The following TRAT1 variants were observed in gnomAD, a reference collection of about 807,000 sequenced individuals.
TRAT1 encodes T-cell receptor-associated transmembrane adapter 1.
TRAT1 carries 20 observed loss-of-function variants against 20.0 expected under a neutral mutation model. That is an observed-to-expected ratio of 1.00 (90% confidence interval 0.70 to 1.45). The LOEUF (loss-of-function observed/expected upper bound fraction) is 1.45, where lower values mean the gene tolerates loss of function less well. Ranked by LOEUF, TRAT1 falls within the 40% of genes most tolerant of loss-of-function variation. The probability of loss-of-function intolerance (pLI) is 0.00; values close to 1 mark genes in which losing one functional copy is unlikely to be tolerated. For missense variants in TRAT1, 237 were observed against 224.1 expected, an observed-to-expected ratio of 1.06 and a Z score of -0.37; for synonymous variants, 77 against 74.2, an observed-to-expected ratio of 1.04 and a Z score of -0.20.
rs760289457 is a variant in TRAT1, at chr3:108,822,915, G to GA, written c.-6dup. 6.2e-6 allele frequency: 10 copies of GA among 1,607,484 alleles called. No homozygotes were observed. The highest frequency in any genetic ancestry group is 1.1e-5 in the South Asian group (1 of 90,078). ...CTTATGGCTAGATAAAGATTTCTCT[G>GA]AAAAAAAGAAGCATGTCAGGTAAGT... is the stretch of plus-strand genomic sequence containing the variant. On this transcript the variant is annotated 5_prime_UTR_variant, in exon 1 of 6. Coordinates refer to ENST00000295756, the MANE Select transcript of TRAT1 (RefSeq NM_016388.4).
intron 3 of TRAT1, among the ~76,000 whole-genome samples, chr3:108,843,639 T>C (rs1435143742): frequency 3.9e-5 from 6 of 152,192 alleles, no homozygotes; most frequent in African/African-American, 1.4e-4. Context: ...ACTTGAAAGG[T>C]CCCTCTATAT....
rs553338267 is a variant in TRAT1, at chr3:108,845,710, T to A, written c.153-1358T>A. 4.3e-4 allele frequency among the ~76,000 whole-genome samples: 66 copies of A among 152,282 alleles called. 1 individual carries two copies. In the South Asian group the frequency reaches 0.013, roughly 29 times the overall value. On this transcript the variant is annotated intron_variant, in intron 3 of 5. Transcript: ENST00000295756. ...ATGCCTTGAGATAAGAGTCCTTTTT[T>A]TTTTTCTTTTGATGAAATTCCCTCC...
At position 108,853,686 on chromosome 3, in the gene TRAT1, C is replaced by A. The variant is rs57972201; in HGVS notation, c.370C>A (p.Pro124Thr). 7,482 of 1,614,018 alleles carry A rather than the reference C, an allele frequency of 4.6e-3. 249 individuals are homozygous for A. In the African/African-American group the frequency reaches 0.079, roughly 17 times the overall value. Reference sequence around the variant, plus strand: ...CAGCGTTAAGGGGAAGCGTAGAAAGCCCAGGAAACAGAATACTCATTTCTC... The same window carrying A: ...CAGCGTTAAGGGGAAGCGTAGAAAGACCAGGAAACAGAATACTCATTTCTC... ...DHSVKGKRRK[P>T]RKQNTHFSDK... Residue 124 changes from proline (P) to threonine (T), a missense_variant, in exon 6 of 6, where the codon CCC becomes ACC. Transcript: ENST00000295756.
chr3:108,830,939 C>A (rs982647123), intron 2 of TRAT1, among the ~76,000 whole-genome samples, 159 bp downstream of exon 2: 3 of 152,180 alleles, frequency 2.0e-5, no homozygotes, highest in African/African-American at 7.2e-5. Flanking sequence ...CCAAAGGGTT[C>A]TCTTATTTAA....
At chr3:108,836,506 T>A (rs2107510165) in intron 2 of TRAT1, among the ~76,000 whole-genome samples, 1 of 152,296 alleles carries the variant, frequency 6.6e-6, no homozygotes, top group East Asian at 1.9e-4. Flanking sequence ...AAATCAAGCA[T>A]TACTTATATA....
At chr3:108,844,007 A>G (rs1945918157) in intron 3 of TRAT1, among the ~76,000 whole-genome samples, 1 of 152,232 alleles carries the variant, frequency 6.6e-6, no homozygotes, top group Non-Finnish European at 1.5e-5. Flanking sequence ...ACGGATCCCA[A>G]GCTTACATCT....
chr3:108,852,599 C>G (rs1946007569), intron 5 of TRAT1, among the ~76,000 whole-genome samples: 1 of 152,172 alleles, frequency 6.6e-6, no homozygotes, highest in Non-Finnish European at 1.5e-5. Context: ...TTGGCCTAGT[C>G]TTAAAGAGTA....
At chr3:108,835,413 A>G (rs554845019) in intron 2 of TRAT1, among the ~76,000 whole-genome samples, 1 of 152,342 alleles carries the variant, frequency 6.6e-6, no homozygotes, top group Admixed American at 6.5e-5. Flanking sequence ...CAGCTTTTAA[A>G]TTAAGTCATG....
At chr3:108,842,740 A>G (rs989089939) in intron 3 of TRAT1, among the ~76,000 whole-genome samples, 1 of 152,176 alleles carries the variant, frequency 6.6e-6, no homozygotes, top group African/African-American at 2.4e-5. Context: ...AGTTCTTTCC[A>G]GTATCCTTTC....
At chr3:108,833,132 G>A (rs1035119651) in intron 2 of TRAT1, among the ~76,000 whole-genome samples, 4 of 152,046 alleles carry the variant, frequency 2.6e-5, no homozygotes, top group African/African-American at 4.8e-5. Flanking sequence ...AAAAAGCATC[G>A]TGTTTGGTAG....
chr3:108,840,618 G>A (rs1945887562), intron 3 of TRAT1, among the ~76,000 whole-genome samples: 1 of 151,210 alleles, frequency 6.6e-6, no homozygotes, highest in Non-Finnish European at 1.5e-5. Flanking sequence ...CTAGACAATA[G>A]CAAAATAAGT....
chr3:108,852,860 G>T (rs1035572206), intron 5 of TRAT1, among the ~76,000 whole-genome samples: 1 of 152,210 alleles, frequency 6.6e-6, no homozygotes, highest in African/African-American at 2.4e-5. Flanking sequence ...GGATTCAGTC[G>T]TAGTCTTTCC....
At chr3:108,848,884 C>G (rs1945971162) in intron 4 of TRAT1, among the ~76,000 whole-genome samples, 1 of 152,186 alleles carries the variant, frequency 6.6e-6, no homozygotes, top group Non-Finnish European at 1.5e-5. Context: ...TAGCTTAAGA[C>G]TGTCATGTCC....
In TRAT1 at chr3:108,838,631, G is replaced by A. The variant is rs576571936; in HGVS notation, c.119-303G>A. Among the ~76,000 whole-genome samples the A allele has an allele frequency of 3.9e-5, 6 of 152,252 alleles. No individual in the cohort carries two copies. In the South Asian group the frequency reaches 8.3e-4, roughly 21 times the overall value. ...GCTTAGTGTTTCTGTGCATAAAACC[G>A]CAATGCATCCAGGCTGTACATCGTC... On this transcript the variant is annotated intron_variant, in intron 2 of 5. Coordinates refer to ENST00000295756, the MANE Select transcript of TRAT1 (RefSeq NM_016388.4).
At chr3:108,829,319 C>T (rs1174475865) in intron 1 of TRAT1, among the ~76,000 whole-genome samples, 3 of 152,032 alleles carry the variant, frequency 2.0e-5, no homozygotes, top group Non-Finnish European at 4.4e-5. Context: ...CTCAGTGTCT[C>T]GCACCTGTAA....
intron 3 of TRAT1, among the ~76,000 whole-genome samples, chr3:108,845,893 C>T (rs145383594): frequency 1.0e-3 from 157 of 152,270 alleles, no homozygotes; most frequent in African/African-American, 3.6e-3. Context: ...GGTAGAATGA[C>T]AGTCTAGTGA....
chr3:108,835,166 G>T (rs550767755), intron 2 of TRAT1, among the ~76,000 whole-genome samples: 1 of 152,084 alleles, frequency 6.6e-6, no homozygotes, highest in Non-Finnish European at 1.5e-5. Context: ...ACTATGTGCC[G>T]TTGTCTATTC....
intron 3 of TRAT1, among the ~76,000 whole-genome samples, chr3:108,840,637 T>C (rs556956018): frequency 1.3e-5 from 2 of 152,304 alleles, no homozygotes; most frequent in East Asian, 3.9e-4. Context: ...GTTTGCTGAT[T>C]ACCAATCCCA....
Position 108,854,773 on chromosome 3 carries a change from A to G in TRAT1, c.*896A>G, listed in dbSNP as rs1946029872. 1 of 152,188 alleles carries G rather than the reference A, an allele frequency of 6.6e-6. No homozygotes were observed. Among genetic ancestry groups the G allele is most frequent in the Non-Finnish European group, 1.5e-5 (1 of 67,994 alleles). 9.4% of individuals were successfully genotyped at this position (152,188 alleles called of 1,614,324 possible). A position where few individuals can be genotyped will look rare whatever the true frequency, so the allele number is the denominator to read the frequency against. On this transcript the variant is annotated 3_prime_UTR_variant, in exon 6 of 6. Coordinates refer to ENST00000295756, the MANE Select transcript of TRAT1 (RefSeq NM_016388.4). ...GATAACCAAATCACAGTTTATTTAAATAATTTTAATGACTTTTCAAAAACA... is the reference window on the plus strand; with the variant it reads ...GATAACCAAATCACAGTTTATTTAAGTAATTTTAATGACTTTTCAAAAACA...
Sources: gnomAD v4.1 joint callset for allele counts (sites outside exome capture counted in the v4.1 genomes callset) on GRCh38, gnomAD v4.1.1 for gene constraint, MANE v1.5 for transcripts, NCBI Gene and HGNC (gene_info 2026-07-23, HGNC 2026-07-21) for gene names.